The following ARB2A variants were observed in gnomAD, a reference collection of about 807,000 sequenced individuals.
ARB2A encodes the protein ARB2 cotranscriptional regulator A, also known as cotranscriptional regulator ARB2A.
At chr5:93,944,874 T>C in the ARB2A span, among the ~76,000 whole-genome samples, 1 of 152,028 alleles carries the variant, frequency 6.6e-6, no homozygotes, top group African/African-American at 2.4e-5. Flanking sequence ...AAATTCAAAC[T>C]TAAGTGCCTC....
the ARB2A span, chr5:93,739,506 T>C: frequency 3.3e-5 from 5 of 152,134 alleles, no homozygotes; most frequent in Non-Finnish European, 7.4e-5. Context: ...TAAACTCTGA[T>C]ATAATACATA....
chr5:93,746,448 G>A, the ARB2A span, among the ~76,000 whole-genome samples: 1 of 152,176 alleles, frequency 6.6e-6, no homozygotes, highest in African/African-American at 2.4e-5. Context: ...TAATGTAGTA[G>A]TGTTGCTAAA....
chr5:93,663,782 T>G, the ARB2A span, among the ~76,000 whole-genome samples: 1 of 152,184 alleles, frequency 6.6e-6, no homozygotes, highest in Non-Finnish European at 1.5e-5. Context: ...ACAAGTATAC[T>G]CTAAATAAAT....
the ARB2A span, chr5:93,734,473 C>T: frequency 6.6e-6 from 1 of 152,122 alleles, no homozygotes; most frequent in South Asian, 2.1e-4. Flanking sequence ...GGCTATGAAC[C>T]ATCTTTAAAG....
the ARB2A span, among the ~76,000 whole-genome samples, chr5:94,034,288 C>T: frequency 2.6e-5 from 4 of 152,086 alleles, no homozygotes; most frequent in East Asian, 1.9e-4. Context: ...TACTTAGGCT[C>T]GTGTTTGATT....
chr5:93,708,744 C>T, the ARB2A span, among the ~76,000 whole-genome samples: 6 of 152,086 alleles, frequency 3.9e-5, no homozygotes, highest in Non-Finnish European at 8.8e-5. Flanking sequence ...CTGCACCTTC[C>T]AATTCATCTT....
At chr5:93,854,479 A>G in the ARB2A span, among the ~76,000 whole-genome samples, 1 of 151,790 alleles carries the variant, frequency 6.6e-6, no homozygotes, top group Non-Finnish European at 1.5e-5. Flanking sequence ...GATTTTAGTT[A>G]TTTCTTGCCT....
At chr5:94,017,405 G>A in the ARB2A span, among the ~76,000 whole-genome samples, 1 of 152,120 alleles carries the variant, frequency 6.6e-6, no homozygotes, top group Non-Finnish European at 1.5e-5. Flanking sequence ...GAAAGATATG[G>A]GAATGTTATG....
chr5:93,928,909 T>C, the ARB2A span, among the ~76,000 whole-genome samples: 1 of 152,078 alleles, frequency 6.6e-6, no homozygotes, highest in African/African-American at 2.4e-5. Context: ...TACAGCCTTC[T>C]TTAACATATT....
the ARB2A span, among the ~76,000 whole-genome samples, chr5:94,020,941 T>C: frequency 2.0e-5 from 3 of 151,820 alleles, no homozygotes; most frequent in African/African-American, 7.3e-5. Flanking sequence ...TGAAAAACAC[T>C]GATGATGAGT....
At chr5:93,908,975 G>A in the ARB2A span, among the ~76,000 whole-genome samples, 8 of 150,794 alleles carry the variant, frequency 5.3e-5, no homozygotes, top group African/African-American at 1.5e-4. Flanking sequence ...TGAACGAGAC[G>A]TCTTACATTT....
At chr5:93,922,644 GAGGGAGGGAGGGAGGGAGGA>G in the ARB2A span, among the ~76,000 whole-genome samples, 144 of 94,472 alleles carry the variant, frequency 1.5e-3, 1 homozygote, top group African/African-American at 5.4e-3. Flanking sequence ...GAAAGAAAGG[GAGGGAGGGAGGGAGGGAGGA>G]AGGGAGGGAG....
the ARB2A span, among the ~76,000 whole-genome samples, chr5:93,786,027 C>A: frequency 2.0e-5 from 3 of 152,138 alleles, no homozygotes; most frequent in Non-Finnish European, 4.4e-5. Context: ...TCCTTATTCT[C>A]ATTTTCTAAA....
chr5:94,066,877 AT>A, the ARB2A span, among the ~76,000 whole-genome samples: 1 of 152,190 alleles, frequency 6.6e-6, no homozygotes, highest in Admixed American at 6.5e-5. Context: ...ACCAGACAAG[AT>A]TGCAACAAAA....
At chr5:93,821,695 T>C in the ARB2A span, among the ~76,000 whole-genome samples, 2 of 152,034 alleles carry the variant, frequency 1.3e-5, no homozygotes, top group East Asian at 3.9e-4. Flanking sequence ...TCTTTAACAA[T>C]ACTATATTTT....
At chr5:94,031,576 T>C in the ARB2A span, among the ~76,000 whole-genome samples, 16,051 of 152,084 alleles carry the variant, frequency 0.11, 967 homozygotes, top group Middle Eastern at 0.16. Context: ...CCAGCAAGGA[T>C]TAGTAGTAGA....
chr5:93,943,095 T>C, the ARB2A span, among the ~76,000 whole-genome samples: 1 of 152,154 alleles, frequency 6.6e-6, no homozygotes, highest in Admixed American at 6.5e-5. Context: ...AGCATCCCTA[T>C]GTATACTTCA....
chr5:93,922,415 T>C, the ARB2A span, among the ~76,000 whole-genome samples: 1 of 151,562 alleles, frequency 6.6e-6, no homozygotes, highest in Admixed American at 6.6e-5. Context: ...ATGCCTATAA[T>C]CCTAGCACTT....
the ARB2A span, among the ~76,000 whole-genome samples, chr5:94,058,633 C>G: frequency 6.6e-6 from 1 of 152,048 alleles, no homozygotes; most frequent in Non-Finnish European, 1.5e-5. Flanking sequence ...ACTTTGAGAC[C>G]TAACAGCAGA....
Sources: allele counts gnomAD v4.1 joint callset (sites outside exome capture counted in the v4.1 genomes callset), GRCh38; gene constraint gnomAD v4.1.1; transcripts MANE v1.5; gene names NCBI Gene and HGNC (gene_info 2026-07-23, HGNC 2026-07-21).